C12orf42: variants seen among roughly 807,000 people sequenced by gnomAD.
C12orf42 encodes the protein chromosome 12 open reading frame 42.
In C12orf42, 25 loss-of-function variants were observed where a neutral mutation model predicts 21.6. The ratio of observed to expected loss-of-function variants is 1.16; its 90% CI spans 0.84 to 1.62. C12orf42 has a LOEUF of 1.62. Ranked by LOEUF, C12orf42 falls within the 40% of genes most tolerant of loss-of-function variation. The probability of loss-of-function intolerance (pLI) is 0.00; values close to 1 mark genes in which losing one functional copy is unlikely to be tolerated. For missense variants in C12orf42, 483 were observed against 459.3 expected (o/e 1.05, Z -0.47); for synonymous variants, 174 against 175.0 (o/e 0.99, Z 0.05).
At chr12:103,426,397 A>G (rs543307225) in intron 2 of C12orf42, among the ~76,000 whole-genome samples, 113 of 152,328 alleles carry the variant, frequency 7.4e-4, no homozygotes, top group African/African-American at 2.5e-3. Flanking sequence ...AAAGTGTGAA[A>G]ACAAGATTAG....
At chr12:103,283,537 C>CGA (rs1347049013) in intron 4 of C12orf42, among the ~76,000 whole-genome samples, 2 of 152,186 alleles carry the variant, frequency 1.3e-5, no homozygotes, top group African/African-American at 4.8e-5. Flanking sequence ...ACAGTCCCTT[C>CGA]ACTCCTTGTG....
At chr12:103,162,159 C>T in the C12orf42 span, among the ~76,000 whole-genome samples, 4 of 152,148 alleles carry the variant, frequency 2.6e-5, no homozygotes, top group East Asian at 1.9e-4. Context: ...ATCCAGCATG[C>T]GCCTTTGTCC....
intron 10 of C12orf42, among the ~76,000 whole-genome samples, chr12:103,240,924 TA>T (rs963394799): frequency 6.6e-6 from 1 of 152,054 alleles, no homozygotes; most frequent in African/African-American, 2.4e-5. Context: ...CTGAATGAAT[TA>T]AAAAAATAAA....
the C12orf42 span, among the ~76,000 whole-genome samples, chr12:103,087,474 AGTTC>A: frequency 2.0e-5 from 3 of 152,178 alleles, no homozygotes; most frequent in Admixed American, 2.0e-4. Context: ...TTGAGGGGCA[AGTTC>A]AAGGTTTGAA....
chr12:103,130,938 C>G, the C12orf42 span, among the ~76,000 whole-genome samples: 1 of 152,188 alleles, frequency 6.6e-6, no homozygotes, highest in African/African-American at 2.4e-5. Flanking sequence ...ATCTGGTCCA[C>G]GTATACCCAC....
In C12orf42 at chr12:103,367,445, T is replaced by TA. The variant is rs1301691974; in HGVS notation, c.259+1441dup. On this transcript the variant is annotated intron_variant, in intron 4 of 5. Coordinates refer to ENST00000548883, the MANE Select transcript of C12orf42 (RefSeq NM_198521.5). ...CCTGTTCCCCAAAAGACTATGGAAA[T>TA]AAAAAAAAAAAGAAAATAAAGAAAG... Among the ~76,000 whole-genome samples, 354 of 93,942 alleles carry TA rather than the reference T, an allele frequency of 3.8e-3. 2 individuals are homozygous for TA. The highest frequency in any genetic ancestry group is 9.3e-3 in the South Asian group (29 of 3,128). The allele number at this position is 93,942 out of a possible 152,430, so 61.6% of individuals were successfully genotyped here.
the C12orf42 span, among the ~76,000 whole-genome samples, chr12:103,084,638 G>A: frequency 6.6e-6 from 1 of 152,270 alleles, no homozygotes; most frequent in South Asian, 2.1e-4. Context: ...TGTATACCTA[G>A]TTTTTAAAAT....
intron 1 of C12orf42, among the ~76,000 whole-genome samples, chr12:103,482,579 T>C (rs966123979): frequency 1.3e-5 from 2 of 152,140 alleles, no homozygotes; most frequent in African/African-American, 4.8e-5. Flanking sequence ...TGAATCTAGA[T>C]GTGAATTGTT....
chr12:103,154,611 A>T, the C12orf42 span, among the ~76,000 whole-genome samples: 2 of 152,200 alleles, frequency 1.3e-5, no homozygotes, highest in Non-Finnish European at 2.9e-5. Flanking sequence ...AAGGAAACAG[A>T]CCAAAATAAT....
At chr12:103,441,875 G>T (rs1270524515) in intron 2 of C12orf42, among the ~76,000 whole-genome samples, 1 of 152,102 alleles carries the variant, frequency 6.6e-6, no homozygotes, top group South Asian at 2.1e-4. Context: ...CAGCATGGTG[G>T]CTCATCTCTG....
chr12:103,057,692 T>C, the C12orf42 span, among the ~76,000 whole-genome samples: 1 of 152,266 alleles, frequency 6.6e-6, no homozygotes, highest in African/African-American at 2.4e-5. Flanking sequence ...AGTAGAATGA[T>C]TTATAATCCT....
chr12:103,062,204 A>T, the C12orf42 span, among the ~76,000 whole-genome samples: 1 of 151,154 alleles, frequency 6.6e-6, no homozygotes, highest in Non-Finnish European at 1.5e-5. Flanking sequence ...TTATTTATTT[A>T]TATATATACA....
At chr12:103,538,871 G>C in the C12orf42 span, among the ~76,000 whole-genome samples, 1 of 152,172 alleles carries the variant, frequency 6.6e-6, no homozygotes, top group Admixed American at 6.5e-5. Context: ...AAGCAAGAGA[G>C]AGCAGGGCAT....
chr12:103,139,176 T>C, the C12orf42 span, among the ~76,000 whole-genome samples: 1 of 152,214 alleles, frequency 6.6e-6, no homozygotes, highest in South Asian at 2.1e-4. Flanking sequence ...ATCCACTGCA[T>C]GACCTGAAGT....
chr12:103,267,557 A>C (rs1245250682), downstream of C12orf42: 1 of 152,216 alleles, frequency 6.6e-6, no homozygotes, highest in Admixed American at 6.6e-5. Flanking sequence ...AAATACAATT[A>C]GAATTAATAA....
intron 2 of C12orf42, among the ~76,000 whole-genome samples, chr12:103,455,068 T>C (rs1461499695): frequency 6.6e-6 from 1 of 152,182 alleles, no homozygotes; most frequent in Non-Finnish European, 1.5e-5. Context: ...TTATTAGTAA[T>C]AGTAGTAGCA....
chr12:103,368,705 A>G (rs1001138638), intron 4 of C12orf42, among the ~76,000 whole-genome samples, 182 bp downstream of exon 4: 4 of 152,212 alleles, frequency 2.6e-5, no homozygotes, highest in East Asian at 1.9e-4. Context: ...GGATCCAGCC[A>G]TGCCCTAAGC....
At chr12:103,197,076 C>T in the C12orf42 span, among the ~76,000 whole-genome samples, 1 of 152,170 alleles carries the variant, frequency 6.6e-6, no homozygotes, top group Non-Finnish European at 1.5e-5. Context: ...CTGTGTTTAG[C>T]ATTCCCTTAA....
the C12orf42 span, among the ~76,000 whole-genome samples, chr12:103,191,947 A>C: frequency 6.6e-6 from 1 of 152,108 alleles, no homozygotes; most frequent in Admixed American, 6.6e-5. Context: ...GTAGACTGTT[A>C]TAGCAATAAA....
Sources: gnomAD v4.1 joint callset for allele counts (sites outside exome capture counted in the v4.1 genomes callset) on GRCh38, gnomAD v4.1.1 for gene constraint, MANE v1.5 for transcripts, NCBI Gene and HGNC (gene_info 2026-07-23, HGNC 2026-07-21) for gene names.